The following RADX variants were observed in gnomAD, a reference collection of about 807,000 sequenced individuals.
The protein encoded by RADX is RPA1 related single stranded DNA binding protein, X-linked.
A neutral mutation model predicts 61.6 loss-of-function variants in RADX; 36 were observed. The ratio of observed to expected loss-of-function variants is 0.58; its 90% CI spans 0.45 to 0.77. RADX has a LOEUF of 0.77. RADX is among the 30% of genes least tolerant of loss of function. The pLI, the probability that RADX is intolerant of heterozygous loss-of-function variation, is 0.00. For missense variants in RADX, 497 were observed against 651.1 expected (o/e 0.76, Z 2.58); for synonymous variants, 272 against 237.9 (o/e 1.14, Z -1.32).
intron 3 of RADX, among the ~76,000 whole-genome samples, chrX:106,629,342 C>T (rs1339842539): frequency 9.0e-6 from 1 of 111,668 alleles, no homozygotes; most frequent in Non-Finnish European, 1.9e-5. Context: ...ACTTTGCTTG[C>T]TTATATATGA....
chrX:106,663,917 G>T (rs1928165515), intron 12 of RADX, among the ~76,000 whole-genome samples: 1 of 111,746 alleles, frequency 8.9e-6, no homozygotes, highest in Non-Finnish European at 1.9e-5. Context: ...AATTTGTGTA[G>T]CTTTGGCTAT....
intron 11 of RADX, among the ~76,000 whole-genome samples, chrX:106,656,288 C>T (rs1311058799): frequency 1.8e-5 from 2 of 111,733 alleles, no homozygotes; most frequent in Non-Finnish European, 3.8e-5. Context: ...TCTAGTTCTC[C>T]TGCCATTTCC....
chrX:106,624,303 G>A (rs989596420), intron 2 of RADX, among the ~76,000 whole-genome samples: 2 of 111,277 alleles, frequency 1.8e-5, no homozygotes, highest in African/African-American at 6.5e-5. Flanking sequence ...ATCAGAGCAT[G>A]CATAACCCAG....
At chrX:106,648,969 T>A (rs1472572931) in intron 11 of RADX, among the ~76,000 whole-genome samples, 2 of 111,417 alleles carry the variant, frequency 1.8e-5, no homozygotes, top group African/African-American at 6.5e-5. Context: ...CTTGTTAAAT[T>A]TGATGTCTCA....
intron 11 of RADX, among the ~76,000 whole-genome samples, chrX:106,661,391 TTTG>T (rs1356734726): frequency 9.3e-6 from 1 of 107,553 alleles, no homozygotes; most frequent in East Asian, 2.9e-4. Context: ...TTTTGGTTTT[TTTG>T]TTTTGTTTTG....
intron 1 of RADX, among the ~76,000 whole-genome samples, chrX:106,621,180 C>T (rs1926934564): frequency 8.9e-6 from 1 of 111,986 alleles, no homozygotes; most frequent in South Asian, 3.7e-4. Context: ...TTAATTATAT[C>T]AGATCAAATG....
At chrX:106,639,851 A>G (rs774319701) in intron 9 of RADX, 164 bp downstream of exon 9, 31 of 327,384 alleles carry the variant, frequency 9.5e-5, no homozygotes, top group African/African-American at 8.0e-4. Flanking sequence ...GTTTTTGCCT[A>G]TAAAAGTAAT....
chrX:106,668,042 G>A (rs966630397), intron 12 of RADX, among the ~76,000 whole-genome samples: 7 of 111,606 alleles, frequency 6.3e-5, no homozygotes, highest in Non-Finnish European at 9.4e-5. Context: ...TAGATAACAT[G>A]ATTATTTCAA....
intron 12 of RADX, among the ~76,000 whole-genome samples, chrX:106,666,637 G>A (rs180911378): frequency 7.1e-5 from 8 of 112,072 alleles, no homozygotes; most frequent in African/African-American, 2.6e-4. Flanking sequence ...TATTATTTCA[G>A]CGTATCTATA....
intron 3 of RADX, among the ~76,000 whole-genome samples, chrX:106,630,918 TA>T (rs1353610735): frequency 8.1e-5 from 9 of 111,794 alleles, no homozygotes; most frequent in Admixed American, 5.7e-4. Context: ...TAAAAGTTTT[TA>T]AAAATAAAAA....
intron 11 of RADX, 50 bp downstream of exon 11, chrX:106,648,436 T>G: frequency 1.2e-6 from 1 of 844,758 alleles, no homozygotes; most frequent in Non-Finnish European, 1.8e-6. Flanking sequence ...TGAAACATTA[T>G]TCTATGAAGA....
intron 11 of RADX, among the ~76,000 whole-genome samples, chrX:106,659,354 C>T (rs981693559): frequency 3.6e-5 from 4 of 111,705 alleles, no homozygotes; most frequent in Admixed American, 1.9e-4. Flanking sequence ...TACGTACATA[C>T]GTTTGAACTG....
chrX:106,638,123 C>T, intron 8 of RADX, 199 bp downstream of exon 8: 1 of 370,020 alleles, frequency 2.7e-6, no homozygotes, highest in Non-Finnish European at 4.7e-6. Flanking sequence ...CCCTATATCT[C>T]GCATGGTGCT....
At chrX:106,664,399 G>A (rs1229493065) in intron 12 of RADX, among the ~76,000 whole-genome samples, 1 of 110,654 alleles carries the variant, frequency 9.0e-6, no homozygotes, top group Non-Finnish European at 1.9e-5. Flanking sequence ...TTACATAGAG[G>A]AACCCTGCTA....
At chrX:106,677,903 A>G (rs1275577734) in intron 13 of RADX, among the ~76,000 whole-genome samples, 1 of 110,808 alleles carries the variant, frequency 9.0e-6, no homozygotes, top group Non-Finnish European at 1.9e-5. Context: ...TTTGAATACC[A>G]GTTCATGCCA....
At chrX:106,632,107 T>C (rs1000820974) in intron 3 of RADX, among the ~76,000 whole-genome samples, 3 of 111,699 alleles carry the variant, frequency 2.7e-5, no homozygotes, top group Admixed American at 9.5e-5. Context: ...AACAACCCTA[T>C]GTATAATAGT....
chrX:106,627,992 A>G (rs1927114506), intron 3 of RADX, among the ~76,000 whole-genome samples: 1 of 110,973 alleles, frequency 9.0e-6, no homozygotes, highest in Non-Finnish European at 1.9e-5. Context: ...CACGCCATCA[A>G]GCCCAGCTAA....
chrX:106,627,842 T>G (rs184071923), intron 3 of RADX, among the ~76,000 whole-genome samples: 232 of 111,649 alleles, frequency 2.1e-3, no homozygotes, highest in African/African-American at 7.3e-3. Flanking sequence ...TTTATTTATT[T>G]ATTTATTTTT....
At chrX:106,636,711 C>A in intron 7 of RADX, 64 bp downstream of exon 7, 1 of 558,023 alleles carries the variant, frequency 1.8e-6, no homozygotes, top group Non-Finnish European at 2.8e-6. Flanking sequence ...TCCTTCAGTA[C>A]ATATTAACTT....
Sources: gnomAD v4.1 joint callset for allele counts (sites outside exome capture counted in the v4.1 genomes callset) on GRCh38, gnomAD v4.1.1 for gene constraint, MANE v1.5 for transcripts, NCBI Gene and HGNC (gene_info 2026-07-23, HGNC 2026-07-21) for gene names.